Variants in PDILT observed in about 807,000 individuals in gnomAD.
The protein encoded by PDILT is protein disulfide isomerase like, testis expressed, also known as protein disulfide-isomerase-like protein of the testis.
Under a neutral mutation model 53.7 loss-of-function variants are expected in PDILT, and 43 were observed. That is an observed-to-expected ratio of 0.80 (90% confidence interval 0.63 to 1.03). PDILT has a LOEUF of 1.03. Ranked by LOEUF, PDILT falls within the 50% of genes least tolerant of loss-of-function variation. The pLI is 0.00. For synonymous variants in PDILT, 282 were observed against 274.2 expected (o/e 1.03, Z -0.28); for missense variants, 727 against 712.3 (o/e 1.02, Z -0.24).
chr16:20,387,517 G>A lies in PDILT; in HGVS notation c.203-2666C>T, dbSNP rs976235717. On this transcript the variant is annotated intron_variant, in intron 2 of 11. Transcript: ENST00000302451. Reference sequence around the variant, plus strand: ...CAGGGGACAGGTGATGTAGGGTCTCGCAAGCCACTGAATAGACTTTGACTT... The same window carrying A: ...CAGGGGACAGGTGATGTAGGGTCTCACAAGCCACTGAATAGACTTTGACTT... Among the ~76,000 whole-genome samples the A allele has an allele frequency of 5.9e-5, 9 of 152,168 alleles. No homozygotes were observed. The South Asian group carries it at 6.2e-4, about 11-fold the overall frequency.
At chr16:20,393,486 T>C (rs1364079842) in intron 2 of PDILT, among the ~76,000 whole-genome samples, 1 of 152,190 alleles carries the variant, frequency 6.6e-6, no homozygotes, top group Non-Finnish European at 1.5e-5. Context: ...GGACATTCCT[T>C]GTGGGAACTA....
intron 3 of PDILT, among the ~76,000 whole-genome samples, chr16:20,384,092 T>C (rs1050125364): frequency 1.3e-5 from 2 of 152,206 alleles, no homozygotes; most frequent in Non-Finnish European, 2.9e-5. Flanking sequence ...TTTGGCTAAA[T>C]AGTGCTTCCC....
At chr16:20,398,819 A>T (rs1444505763) in intron 2 of PDILT, among the ~76,000 whole-genome samples, 1 of 152,118 alleles carries the variant, frequency 6.6e-6, no homozygotes, top group Non-Finnish European at 1.5e-5. Flanking sequence ...AATAATACAG[A>T]CACCTCGGGT....
chr16:20,366,544 G>A (rs1966193977), intron 8 of PDILT, among the ~76,000 whole-genome samples: 1 of 152,070 alleles, frequency 6.6e-6, no homozygotes, highest in Admixed American at 6.6e-5. Context: ...CATAATAGAT[G>A]GAATGTCATA....
rs767942876 is a variant in PDILT at position 20,374,928 on chromosome 16, T to A, written c.575A>T (p.Tyr192Phe). The change falls in exon 5 of 12, where the codon TAT (tyrosine) becomes TTT (phenylalanine). Residue 192 changes from tyrosine to phenylalanine, a missense_variant. Transcript: ENST00000302451. Reference sequence around the variant, plus strand: ...CTCTGGAAAGTCTTTGATCACATCATAGAACAACTCTGCTACTTCTTCCTC... The same window carrying A: ...CTCTGGAAAGTCTTTGATCACATCAAAGAACAACTCTGCTACTTCTTCCTC... ...DLEEEVAELF[Y>F]DVIKDFPELT... 5 of 1,613,338 alleles carry A rather than the reference T, an allele frequency of 3.1e-6. No homozygotes were observed. The South Asian group carries it at 5.5e-5, about 18-fold the overall frequency.
At chr16:20,400,032 ATCTATCTATC>A (rs1441815010) in intron 1 of PDILT, among the ~76,000 whole-genome samples, 3 of 119,258 alleles carry the variant, frequency 2.5e-5, no homozygotes, top group Admixed American at 9.0e-5. Context: ...CTATCTATCT[ATCTATCTATC>A]TATCTATCTA....
At chr16:20,364,260 T>G (rs1195023997) in intron 9 of PDILT, among the ~76,000 whole-genome samples, 1 of 152,216 alleles carries the variant, frequency 6.6e-6, no homozygotes, top group Non-Finnish European at 1.5e-5. Context: ...AGCCTCTCAT[T>G]GAAAGGCAGC....
In PDILT at chr16:20,384,633, A is replaced by G. The variant is rs1385968462; in HGVS notation, c.409+12T>C. 6.2e-7 allele frequency: 1 copy of G among 1,613,994 alleles called. No homozygotes were observed. Among genetic ancestry groups the G allele is most frequent in the Non-Finnish European group, 8.5e-7 (1 of 1,180,010 alleles). ...TGAGCATGAAACAAGTGTGACACACAAGCACCATTACCTTTGCAGCTGATG... is the reference window on the plus strand; with the variant it reads ...TGAGCATGAAACAAGTGTGACACACGAGCACCATTACCTTTGCAGCTGATG... On this transcript the variant is annotated intron_variant, in intron 3 of 11. Coordinates refer to ENST00000302451, the MANE Select transcript of PDILT (RefSeq NM_174924.2).
chr16:20,365,198 A>T (rs184513194), intron 9 of PDILT, among the ~76,000 whole-genome samples: 1 of 152,340 alleles, frequency 6.6e-6, no homozygotes, highest in African/African-American at 2.4e-5. Context: ...GGCCTGGGTT[A>T]TGTGGAAGGC....
At position 20,360,631 on chromosome 16, in the gene PDILT, G is replaced by C. The variant is rs770833228; in HGVS notation, c.1443C>G (p.Thr481=). 2 of 1,613,914 alleles carry C rather than the reference G, an allele frequency of 1.2e-6. No homozygotes were observed. The highest frequency in any genetic ancestry group is 2.2e-5 in the East Asian group (1 of 44,878). The stretch of plus-strand genomic sequence containing the variant: ...CCAGGAAGTCAGAGAAGCCCTTCAG[G>C]GTGTGTTCTCCCTTATACAGGACAG... ...QQAVLYKGEH[T]LKGFSDFLES... The change falls in exon 11 of 12, where the codon ACC becomes ACG. Residue 481 remains threonine, a synonymous_variant. Coordinates refer to ENST00000302451, the MANE Select transcript of PDILT (RefSeq NM_174924.2).
intron 5 of PDILT, among the ~76,000 whole-genome samples, chr16:20,374,400 G>C (rs1966352986): frequency 6.6e-6 from 1 of 152,058 alleles, no homozygotes; most frequent in Non-Finnish European, 1.5e-5. Flanking sequence ...GAAAACACTG[G>C]GAGAGGACCT....
intron 11 of PDILT, 36 bp downstream of exon 11, chr16:20,360,532 G>T: frequency 1.3e-6 from 2 of 1,497,646 alleles, no homozygotes; most frequent in South Asian, 1.1e-5. Flanking sequence ...TTCTGTGTGG[G>T]ACAGAATAAT....
At chr16:20,364,152 C>G (rs112422461) in intron 9 of PDILT, among the ~76,000 whole-genome samples, 397 of 152,326 alleles carry the variant, frequency 2.6e-3, no homozygotes, top group Middle Eastern at 0.01. Flanking sequence ...TCCCGTGGCC[C>G]TACTTCCAAG....
chr16:20,395,758 A>G (rs1596598196), intron 2 of PDILT, among the ~76,000 whole-genome samples: 2 of 152,252 alleles, frequency 1.3e-5, no homozygotes, highest in South Asian at 4.1e-4. Flanking sequence ...TTCTCACTCT[A>G]TTAGTTTCTG....
In PDILT at chr16:20,381,348, G is replaced by T. The variant is rs148129612; in HGVS notation, c.409+3297C>A. 8.8e-3 allele frequency among the ~76,000 whole-genome samples: 1,341 copies of T among 152,264 alleles called. 16 individuals carry two copies. Among genetic ancestry groups the T allele is most frequent in the Non-Finnish European group, 0.015 (1,035 of 68,014 alleles). ...CTTACTCATCCTGTTTAGAAAATGAGAAATTGGGCCGGGTGCGGTGGCTCA... is the reference window on the plus strand; with the variant it reads ...CTTACTCATCCTGTTTAGAAAATGATAAATTGGGCCGGGTGCGGTGGCTCA... On this transcript the variant is annotated intron_variant, in intron 3 of 11. Transcript: ENST00000302451.
intron 8 of PDILT, among the ~76,000 whole-genome samples, chr16:20,366,987 C>CATTTATTTATTTATTT (rs1555489405): frequency 3.6e-5 from 3 of 82,990 alleles, no homozygotes; most frequent in African/African-American, 1.1e-4. Flanking sequence ...TTCCTTCCTT[C>CATTTATTTATTTATTT]CTTTCTTTCT....
intron 3 of PDILT, among the ~76,000 whole-genome samples, chr16:20,377,477 C>A (rs892280588): frequency 6.6e-6 from 1 of 152,134 alleles, no homozygotes; most frequent in East Asian, 1.9e-4. Context: ...ACATTACCAC[C>A]ATTTCACAGC....
intron 10 of PDILT, 66 bp downstream of exon 10, chr16:20,362,338 A>T: frequency 1.3e-6 from 2 of 1,547,460 alleles, no homozygotes; most frequent in East Asian, 2.3e-5. Context: ...GGTGGTAGGG[A>T]GAAACTGAGT....
intron 11 of PDILT, 149 bp downstream of exon 11, chr16:20,360,419 G>A: frequency 1.3e-6 from 1 of 746,982 alleles, no homozygotes; most frequent in South Asian, 1.7e-5. Flanking sequence ...AAGGTGACTA[G>A]TAGAGTCACC....
Sources: allele counts gnomAD v4.1 joint callset (sites outside exome capture counted in the v4.1 genomes callset), GRCh38; gene constraint gnomAD v4.1.1; transcripts MANE v1.5; gene names NCBI Gene and HGNC (gene_info 2026-07-23, HGNC 2026-07-21).